Variants in TRDN observed in about 807,000 individuals in gnomAD.
The protein encoded by TRDN is triadin.
In TRDN, 161 loss-of-function variants were observed where a neutral mutation model predicts 149.7. That is an observed-to-expected ratio of 1.08 (90% CI 0.95 to 1.23). The LOEUF is 1.23. Ranked by LOEUF, TRDN falls within the 50% of genes most tolerant of loss-of-function variation. The probability of loss-of-function intolerance (pLI) is 0.00; values close to 1 mark genes in which losing one functional copy is unlikely to be tolerated. For missense variants in TRDN, 896 were observed against 823.5 expected (o/e 1.09, Z -1.08); for synonymous variants, 294 against 250.5 (o/e 1.17, Z -1.64).
chr6:123,609,174 AAAAAAC>A (rs1784669400), intron 1 of TRDN, among the ~76,000 whole-genome samples: 3 of 152,226 alleles, frequency 2.0e-5, no homozygotes, highest in Admixed American at 6.5e-5. Context: ...CTCCATCTCA[AAAAAAC>A]AAAAACAAAA....
intron 24 of TRDN, among the ~76,000 whole-genome samples, chr6:123,283,114 A>T (rs1339372223): frequency 6.6e-6 from 1 of 151,914 alleles, no homozygotes; most frequent in Non-Finnish European, 1.5e-5. Context: ...GATAACAAGT[A>T]CTCTTTCAGA....
At chr6:123,330,767 G>C (rs983471409) in intron 23 of TRDN, among the ~76,000 whole-genome samples, 1 of 152,042 alleles carries the variant, frequency 6.6e-6, no homozygotes, top group Non-Finnish European at 1.5e-5. Flanking sequence ...TAAGGCTATA[G>C]TTTTATACAT....
At chr6:123,491,838 C>G (rs1372209451) in intron 9 of TRDN, among the ~76,000 whole-genome samples, 2 of 152,088 alleles carry the variant, frequency 1.3e-5, no homozygotes, top group African/African-American at 4.8e-5. Flanking sequence ...TACCTTGGAG[C>G]AGGATTTTTT....
At chr6:123,604,941 A>G (rs1459458253) in intron 1 of TRDN, among the ~76,000 whole-genome samples, 1 of 152,078 alleles carries the variant, frequency 6.6e-6, no homozygotes, top group Admixed American at 6.6e-5. Flanking sequence ...TAGATGGGAA[A>G]AATAATGGTC....
intron 12 of TRDN, among the ~76,000 whole-genome samples, chr6:123,416,620 T>A (rs113869839): frequency 6.6e-6 from 1 of 152,338 alleles, no homozygotes; most frequent in Non-Finnish European, 1.5e-5. Flanking sequence ...ATGCCCTTTA[T>A]GATTTGTCTC....
At chr6:123,235,068 A>G (rs1775735878) in intron 38 of TRDN, among the ~76,000 whole-genome samples, 1 of 152,108 alleles carries the variant, frequency 6.6e-6, no homozygotes, top group Admixed American at 6.6e-5. Context: ...AAAACCATGA[A>G]CAATATTTAT....
At chr6:123,282,929 T>A (rs1777635952) in intron 24 of TRDN, among the ~76,000 whole-genome samples, 1 of 151,892 alleles carries the variant, frequency 6.6e-6, no homozygotes, top group Admixed American at 6.6e-5. Flanking sequence ...ACTCATTAAG[T>A]AAGTCCATTA....
intron 9 of TRDN, among the ~76,000 whole-genome samples, chr6:123,474,965 A>G (rs1777389679): frequency 6.6e-6 from 1 of 152,224 alleles, no homozygotes; most frequent in South Asian, 2.1e-4. Flanking sequence ...GGAAAGATCC[A>G]AAATTGACAC....
At chr6:123,336,817 T>C (rs1779888679) in intron 22 of TRDN, among the ~76,000 whole-genome samples, 1 of 150,928 alleles carries the variant, frequency 6.6e-6, no homozygotes, top group South Asian at 2.1e-4. Flanking sequence ...ATACATATAT[T>C]ACACACACTT....
chr6:123,433,540 A>C (rs979147800), intron 12 of TRDN, among the ~76,000 whole-genome samples: 1 of 152,100 alleles, frequency 6.6e-6, no homozygotes, highest in African/African-American at 2.4e-5. Context: ...GCATGCATGA[A>C]TGAATGAACA....
chr6:123,589,935 C>T (rs1433066366), intron 1 of TRDN, among the ~76,000 whole-genome samples: 1 of 152,016 alleles, frequency 6.6e-6, no homozygotes, highest in South Asian at 2.1e-4. Context: ...TGTGATGAAG[C>T]AACCTGTTTT....
chr6:123,309,996 T>G (rs952108234), intron 24 of TRDN, among the ~76,000 whole-genome samples: 2 of 152,040 alleles, frequency 1.3e-5, no homozygotes, highest in Non-Finnish European at 2.9e-5. Flanking sequence ...TTAACTATAG[T>G]ACATATGGTA....
At chr6:123,315,738 A>G (rs56026348) in intron 24 of TRDN, among the ~76,000 whole-genome samples, 22,711 of 151,814 alleles carry the variant, frequency 0.15, 1,831 homozygotes, top group South Asian at 0.22. Flanking sequence ...TAGAAAGACT[A>G]TAATTGAAAT....
chr6:123,267,010 G>C (rs1777032146), intron 32 of TRDN, among the ~76,000 whole-genome samples: 2 of 145,972 alleles, frequency 1.4e-5, no homozygotes, highest in Non-Finnish European at 3.0e-5. Flanking sequence ...GGGAGGCTGA[G>C]GTAGGAGAAT....
At chr6:123,493,604 A>T (rs992115021) in intron 9 of TRDN, among the ~76,000 whole-genome samples, 7 of 152,200 alleles carry the variant, frequency 4.6e-5, no homozygotes, top group African/African-American at 1.7e-4. Context: ...AGAGGGAAAA[A>T]TCAAATTATA....
chr6:123,420,639 T>C (rs1430795834), intron 12 of TRDN, among the ~76,000 whole-genome samples: 3 of 152,170 alleles, frequency 2.0e-5, no homozygotes, highest in Non-Finnish European at 2.9e-5. Flanking sequence ...CAAATCCTTT[T>C]TGAAGGATAT....
intron 5 of TRDN, among the ~76,000 whole-genome samples, chr6:123,524,333 C>G (rs1187247952): frequency 6.6e-6 from 1 of 152,080 alleles, no homozygotes; most frequent in East Asian, 1.9e-4. Context: ...TAAGAAGGCT[C>G]AGAGACTTTA....
chr6:123,331,807 T>G (rs1460486705), intron 23 of TRDN, 72 bp downstream of exon 23: 2 of 1,007,576 alleles, frequency 2.0e-6, no homozygotes, highest in Non-Finnish European at 2.8e-6. Context: ...AATGATTCAT[T>G]ACTTTGTTGC....
intron 2 of TRDN, among the ~76,000 whole-genome samples, chr6:123,567,231 T>C (rs1782338362): frequency 6.6e-6 from 1 of 152,246 alleles, no homozygotes; most frequent in South Asian, 2.1e-4. Flanking sequence ...GCCTCTATTA[T>C]ACAATAAACT....
Sources: gnomAD v4.1 joint callset for allele counts (sites outside exome capture counted in the v4.1 genomes callset) on GRCh38, gnomAD v4.1.1 for gene constraint, MANE v1.5 for transcripts, NCBI Gene and HGNC (gene_info 2026-07-23, HGNC 2026-07-21) for gene names.